The following NOS2 variants were observed in gnomAD, a reference collection of about 807,000 sequenced individuals.
The protein encoded by NOS2 is nitric oxide synthase, inducible.
NOS2 carries 96 observed loss-of-function variants against 136.0 expected under a neutral mutation model. The observed-to-expected ratio is 0.71, with a 90% CI of 0.60 to 0.84. The LOEUF (loss-of-function observed/expected upper bound fraction) is 0.84, where lower values mean the gene tolerates loss of function less well. NOS2 is among the 40% of genes least tolerant of loss of function. The probability of loss-of-function intolerance (pLI) is 0.00; values close to 1 mark genes in which losing one functional copy is unlikely to be tolerated. For synonymous variants in NOS2, 539 were observed against 587.5 expected (o/e 0.92, Z 1.20); for missense variants, 1,237 against 1,496.9 (o/e 0.83, Z 2.87).
At position 27,787,690 on chromosome 17, in the gene NOS2, C is replaced by A. The variant is rs1327192039; in HGVS notation, c.455G>T (p.Gly152Val). ...QAIEFVNQYY[G>V]SFKEAKIEEH... Reference sequence around the variant, plus strand: ...AGGCAAGCCTTACTCTTTGAAGGAGCCGTAATATTGGTTGACAAATTCGAT... The same window carrying A: ...AGGCAAGCCTTACTCTTTGAAGGAGACGTAATATTGGTTGACAAATTCGAT... Residue 152 changes from glycine (G) to valine (V), a missense_variant, in exon 5 of 27, where the codon GGC (glycine) becomes GTC (valine). By Grantham distance (109) the Gly-to-Val change is moderately radical. Transcript: ENST00000313735. 5.0e-6 allele frequency: 8 copies of A among 1,612,648 alleles called. No homozygotes were observed. The East Asian group carries it at 1.3e-4, about 27-fold the overall frequency.
chr17:27,783,673 G>C (rs1156955222), intron 5 of NOS2, among the ~76,000 whole-genome samples: 3 of 152,190 alleles, frequency 2.0e-5, no homozygotes, highest in Non-Finnish European at 4.4e-5. Flanking sequence ...GAGTCTGGGA[G>C]GGAGGTATTT....
intron 26 of NOS2, among the ~76,000 whole-genome samples, chr17:27,758,336 C>T (rs952738969): frequency 9.2e-5 from 14 of 152,282 alleles, no homozygotes; most frequent in African/African-American, 2.9e-4. Context: ...GGGGTGCCTC[C>T]CTCATAAAGT....
At chr17:27,767,045 G>A (rs538075521) in intron 18 of NOS2, among the ~76,000 whole-genome samples, 3 of 151,444 alleles carry the variant, frequency 2.0e-5, no homozygotes, top group African/African-American at 7.3e-5. Context: ...CTGATACAGG[G>A]CAGCTTCTAA....
rs28999406 is a variant in NOS2 at position 27,772,735 on chromosome 17, G to A, written c.1560-283C>T. ...TGGACCTCTGGGAGCCAAATTCCAC[G>A]AAGAATATACATTCCCAGGCTGGGT... On this transcript the variant is annotated intron_variant, in intron 13 of 26. Coordinates refer to ENST00000313735, the MANE Select transcript of NOS2 (RefSeq NM_000625.4). 1.7e-3 allele frequency among the ~76,000 whole-genome samples: 255 copies of A among 152,220 alleles called. 2 individuals are homozygous for A. Among genetic ancestry groups the A allele is most frequent in the East Asian group, 0.014 (75 of 5,176 alleles).
At chr17:27,768,924 T>C in intron 17 of NOS2, 53 bp downstream of exon 17, 2 of 1,512,726 alleles carry the variant, frequency 1.3e-6, no homozygotes, top group Non-Finnish European at 1.8e-6. Context: ...GTCCTAGGCA[T>C]GAATGCACCC....
chr17:27,760,529 A>C, intron 24 of NOS2, 94 bp downstream of exon 24: 2 of 1,508,442 alleles, frequency 1.3e-6, no homozygotes, highest in Non-Finnish European at 1.8e-6. Context: ...TTCCCTCGAG[A>C]GAGGTCAGGA....
intron 7 of NOS2, among the ~76,000 whole-genome samples, chr17:27,781,529 AC>A (rs1274953786): frequency 6.0e-5 from 9 of 149,348 alleles, no homozygotes; most frequent in Admixed American, 4.0e-4. Context: ...TCTTCCTCCT[AC>A]CCCCCCATAC....
At chr17:27,794,590 T>C (rs1420372903) in intron 2 of NOS2, among the ~76,000 whole-genome samples, 1 of 152,194 alleles carries the variant, frequency 6.6e-6, no homozygotes, top group Non-Finnish European at 1.5e-5. Flanking sequence ...TATTTATTTC[T>C]AGCCAACTGC....
At chr17:27,793,551 G>T (rs1037218724) in intron 2 of NOS2, 1 of 396,918 alleles carries the variant, frequency 2.5e-6, no homozygotes, top group Non-Finnish European at 4.4e-6. Context: ...GGAGCCCACC[G>T]CTTCCCTCCC....
chr17:27,761,195 G>A lies in NOS2; in HGVS notation c.2837C>T (p.Thr946Ile). ...TTGGGGCTTCAGGCTGTTGAGCCAT[G>A]TGCTGCAGACGCCGTGGTGCAGGGG... ...QGPLHHGVCS[T>I]WLNSLKPQDP... The change falls in exon 23 of 27, where the codon ACA becomes ATA. Residue 946 changes from threonine to isoleucine, a missense_variant. Coordinates refer to ENST00000313735, the MANE Select transcript of NOS2 (RefSeq NM_000625.4). 6.2e-7 allele frequency: 1 copy of A among 1,610,140 alleles called. No homozygotes were observed. The highest frequency in any genetic ancestry group is 8.5e-7 in the Non-Finnish European group (1 of 1,179,052).
At position 27,798,805 on chromosome 17, in the gene NOS2, G is replaced by A. The variant is rs147921664; in HGVS notation, c.5C>T (p.Ala2Val). 6.2e-6 allele frequency: 10 copies of A among 1,602,788 alleles called. No individual in the cohort carries two copies. Among genetic ancestry groups the A allele is most frequent in the East Asian group, 2.2e-5 (1 of 44,834 alleles). ...CTTGAACAGAAATTTCCAAGGACAG[G>A]CCATCTCTATGGCTTTACAAAGCAG... MACPWKFLFKTK... is the reference protein window; with the variant it reads MVCPWKFLFKTK... The change falls in exon 2 of 27, where the codon GCC becomes GTC. Residue 2 changes from alanine (A) to valine (V), a missense_variant. Ala to Val is a moderately conservative substitution (Grantham distance 64). Transcript: ENST00000313735.
chr17:27,784,711 T>C (rs1031646640), intron 5 of NOS2, among the ~76,000 whole-genome samples: 8 of 152,148 alleles, frequency 5.3e-5, no homozygotes, highest in African/African-American at 1.9e-4. Flanking sequence ...AGTGAACAGA[T>C]TTAAATGTAA....
intron 26 of NOS2, among the ~76,000 whole-genome samples, 155 bp from the exon 27 acceptor site, chr17:27,757,508 T>TG (rs1907967205): frequency 6.6e-6 from 1 of 152,196 alleles, no homozygotes; most frequent in African/African-American, 2.4e-5. Flanking sequence ...ACCCTAACCC[T>TG]GCTCAGCACC....
At chr17:27,796,088 G>C (rs193022687) in intron 2 of NOS2, among the ~76,000 whole-genome samples, 1 of 152,130 alleles carries the variant, frequency 6.6e-6, no homozygotes, top group African/African-American at 2.4e-5. Flanking sequence ...CCCAGAGTTC[G>C]AGGGCAGCCT....
chr17:27,757,459 C>G (rs904953976), intron 26 of NOS2, 106 bp from the exon 27 acceptor site: 14 of 870,340 alleles, frequency 1.6e-5, no homozygotes, highest in Non-Finnish European at 2.6e-5. Context: ...ATCTGTCTTC[C>G]CAACTGTTAT....
At chr17:27,765,021 C>A (rs1423920625) in intron 20 of NOS2, among the ~76,000 whole-genome samples, 1 of 152,198 alleles carries the variant, frequency 6.6e-6, no homozygotes, top group Non-Finnish European at 1.5e-5. Context: ...CTCTGTCACC[C>A]AGGCTGGAGT....
At position 27,798,768 on chromosome 17, in the gene NOS2, G is replaced by A; in HGVS notation, c.42C>T (p.His14=). The stretch of plus-strand genomic sequence containing the variant: ...CTTTTTCCCCATTCATTGCATACTG[G>A]TGGAATTTGGTCTTGAACAGAAATT... ...PWKFLFKTKF[H]QYAMNGEKDI... The change falls in exon 2 of 27, where the codon CAC becomes CAT. Residue 14 remains histidine, a synonymous_variant. Coordinates refer to ENST00000313735, the MANE Select transcript of NOS2 (RefSeq NM_000625.4). 1 of 1,613,998 alleles carries A rather than the reference G, an allele frequency of 6.2e-7. No individual in the cohort carries two copies. The highest frequency in any genetic ancestry group is 1.1e-5 in the South Asian group (1 of 91,074).
intron 22 of NOS2, among the ~76,000 whole-genome samples, chr17:27,762,224 C>CTAGA (rs1478396139): frequency 6.6e-6 from 1 of 152,192 alleles, no homozygotes; most frequent in Non-Finnish European, 1.5e-5. Flanking sequence ...ATTTCTATGC[C>CTAGA]TATCTCTCCA....
rs201696885 is a variant in NOS2 at position 27,764,014 on chromosome 17, C to T, written c.2559G>A (p.Glu853=). Residue 853 remains glutamate, a synonymous_variant, in exon 21 of 27, where the codon GAG becomes GAA. Transcript: ENST00000313735. ...GGGCCTCCAGCCTCTGTCTCTCAGG[C>T]TCTTCTGTGGCCACCTGGGCCAGCT... is the stretch of plus-strand genomic sequence containing the variant. The part of the protein sequence containing the change: ...LQKLAQVATE[E]PERQRLEALC... The T allele has an allele frequency of 1.9e-5, 30 of 1,613,774 alleles. 2 individuals are homozygous for T. The South Asian group carries it at 3.2e-4, about 17-fold the overall frequency.
Sources: gnomAD v4.1 joint callset for allele counts (sites outside exome capture counted in the v4.1 genomes callset) on GRCh38, gnomAD v4.1.1 for gene constraint, MANE v1.5 for transcripts, NCBI Gene and HGNC (gene_info 2026-07-23, HGNC 2026-07-21) for gene names.